PPFIA2: variants seen among roughly 807,000 people sequenced by gnomAD.
The protein encoded by PPFIA2 is PPFI scaffold protein A2.
A neutral mutation model predicts 175.5 loss-of-function variants in PPFIA2; 46 were observed. The ratio of observed to expected loss-of-function variants is 0.26; its 90% CI spans 0.21 to 0.34. The LOEUF is 0.34. Among genes scored for constraint, PPFIA2 ranks in the 10% least tolerant of loss-of-function variants. The pLI, the probability that PPFIA2 is intolerant of heterozygous loss-of-function variation, is 1.00. For synonymous variants in PPFIA2, 568 were observed against 511.4 expected, an observed-to-expected ratio of 1.11 and a Z score of -1.49; for missense variants, 1,179 against 1,506.1, an observed-to-expected ratio of 0.78 and a Z score of 3.60.
At chr12:81,720,984 C>T (rs10506850) in intron 3 of PPFIA2, among the ~76,000 whole-genome samples, 2,997 of 150,420 alleles carry the variant, frequency 0.02, 82 homozygotes, top group East Asian at 0.077. Flanking sequence ...CAGTTAAAAT[C>T]GGCACATAAG....
At chr12:81,642,737 G>GTA (rs1567688608) in intron 4 of PPFIA2, among the ~76,000 whole-genome samples, 2 of 21,174 alleles carry the variant, frequency 9.4e-5, no homozygotes, top group Non-Finnish European at 2.6e-4. Flanking sequence ...ACATGTATAT[G>GTA]TATGTATGTA....
chr12:81,339,322 G>A lies in PPFIA2; in HGVS notation c.2406C>T (p.Val802=). The A allele has an allele frequency of 6.3e-7, 1 of 1,588,026 alleles. No homozygotes were observed. Residue 802 remains valine (V), a synonymous_variant, in exon 21 of 33, where the codon GTC becomes GTT. Transcript: ENST00000549396. The part of the protein sequence containing the change: ...YHNDARSSLS[V]SLEPESLGLG... ...GCCCGAGGCTTTCTGGCTCAAGAGA[G>A]ACAGATAAACTACTGCAAAACACAA...
intron 4 of PPFIA2, among the ~76,000 whole-genome samples, chr12:81,497,317 TCTAA>T (rs1338724345): frequency 3.9e-5 from 6 of 152,302 alleles, no homozygotes; most frequent in African/African-American, 1.4e-4. Context: ...CTTCTAAATT[TCTAA>T]CTGAGACCAG....
intron 3 of PPFIA2, among the ~76,000 whole-genome samples, chr12:81,752,430 T>C (rs904293826): frequency 6.6e-6 from 1 of 152,164 alleles, no homozygotes; most frequent in African/African-American, 2.4e-5. Context: ...TTAAAAAATA[T>C]AATATTTGGT....
intron 8 of PPFIA2, 112 bp downstream of exon 8, chr12:81,405,675 C>G (rs2042805012): frequency 3.2e-6 from 2 of 624,478 alleles, no homozygotes; most frequent in African/African-American, 3.8e-5. Flanking sequence ...GAACCTTTGA[C>G]CAAAGAATCA....
Position 81,408,716 on chromosome 12 carries a change from ATTAG to A in PPFIA2, c.646-2817_646-2814del, listed in dbSNP as rs1555358329. Among the ~76,000 whole-genome samples, 19 of 152,234 alleles carry A rather than the reference ATTAG, an allele frequency of 1.2e-4. 1 individual carries two copies. Among genetic ancestry groups the A allele is most frequent in the Non-Finnish European group, 2.8e-4 (19 of 68,036 alleles). On this transcript the variant is annotated intron_variant, in intron 7 of 32. Coordinates refer to ENST00000549396, the MANE Select transcript of PPFIA2 (RefSeq NM_003625.5). ...AGTTTGCTACAGTGTATACATGACA[ATTAG>A]TTCCAAAAATGACATAATTTTCAAC...
intron 14 of PPFIA2, among the ~76,000 whole-genome samples, chr12:81,365,138 A>G (rs1490211152): frequency 6.6e-6 from 1 of 151,830 alleles, no homozygotes; most frequent in Non-Finnish European, 1.5e-5. Flanking sequence ...CTAGGGGTGA[A>G]TCAGAGAGAA....
chr12:81,676,899 C>T (rs1032028820), intron 3 of PPFIA2, 55 bp from the exon 4 acceptor site: 12 of 1,245,792 alleles, frequency 9.6e-6, no homozygotes, highest in Admixed American at 2.7e-5. Context: ...ATGAAGAATC[C>T]CCCAGTCCCA....
At chr12:81,281,131 C>T (rs1327701216) in intron 27 of PPFIA2, 126 bp downstream of exon 27, 5 of 763,050 alleles carry the variant, frequency 6.6e-6, no homozygotes, top group Non-Finnish European at 9.9e-6. Context: ...TAGATGTATA[C>T]AAACGATGTT....
intron 19 of PPFIA2, among the ~76,000 whole-genome samples, chr12:81,342,195 T>C (rs533311515): frequency 6.6e-6 from 1 of 152,212 alleles, no homozygotes; most frequent in East Asian, 1.9e-4. Flanking sequence ...GATATAGAGC[T>C]GTAACTTAAA....
chr12:81,650,316 G>T lies in PPFIA2; in HGVS notation c.303+26475C>A, dbSNP rs116891517. Among the ~76,000 whole-genome samples the T allele has an allele frequency of 6.3e-3, 958 of 152,096 alleles. 31 individuals are homozygous for T. The East Asian group carries it at 0.091, about 14-fold the overall frequency. ...GAGCCACCGAGCCCAGCAAAATTGT[G>T]TATTTTTAAAAATGTGGATTGTACT... On this transcript the variant is annotated intron_variant, in intron 4 of 32. Coordinates refer to ENST00000549396, the MANE Select transcript of PPFIA2 (RefSeq NM_003625.5).
chr12:81,422,116 ATATATATGTGTG>A (rs953580882), intron 7 of PPFIA2, among the ~76,000 whole-genome samples: 1 of 141,612 alleles, frequency 7.1e-6, no homozygotes, highest in Non-Finnish European at 1.5e-5. Context: ...ATATATGTGT[ATATATATGTGTG>A]TATATATATG....
chr12:81,365,995 TTCCTTCC>T (rs1404839339), intron 14 of PPFIA2, among the ~76,000 whole-genome samples: 1 of 84,854 alleles, frequency 1.2e-5, no homozygotes, highest in Non-Finnish European at 2.2e-5. Flanking sequence ...CCTTCCTTCC[TTCCTTCC>T]TTCCTTCCTT....
intron 4 of PPFIA2, among the ~76,000 whole-genome samples, chr12:81,462,208 T>C (rs1375008010): frequency 6.8e-6 from 1 of 146,138 alleles, no homozygotes; most frequent in African/African-American, 2.5e-5. Context: ...TGAAATATGC[T>C]ATATTCTACA....
chr12:81,594,039 T>TGCTC (rs1245620039), intron 4 of PPFIA2, among the ~76,000 whole-genome samples: 2 of 152,224 alleles, frequency 1.3e-5, no homozygotes, highest in South Asian at 4.1e-4. Context: ...TGGCATTAGA[T>TGCTC]GCTCATAGGA....
chr12:81,267,386 C>T, intron 29 of PPFIA2: 1 of 338,736 alleles, frequency 3.0e-6, no homozygotes, highest in Non-Finnish European at 5.7e-6. Context: ...AGGTAGTTCT[C>T]AAACCTGGCC....
intron 4 of PPFIA2, among the ~76,000 whole-genome samples, chr12:81,464,793 C>G (rs1386292791): frequency 6.6e-6 from 1 of 151,684 alleles, no homozygotes; most frequent in Non-Finnish European, 1.5e-5. Context: ...TCGGGCTACC[C>G]ATTCTCAGAC....
intron 4 of PPFIA2, among the ~76,000 whole-genome samples, chr12:81,511,760 C>T (rs1276709310): frequency 4.0e-5 from 6 of 151,722 alleles, no homozygotes; most frequent in Non-Finnish European, 5.9e-5. Context: ...TCAATATATG[C>T]CTGGTAAGCA....
At chr12:81,703,334 TTCTC>T in intron 3 of PPFIA2, among the ~76,000 whole-genome samples, 1 of 152,010 alleles carries the variant, frequency 6.6e-6, no homozygotes, top group Non-Finnish European at 1.5e-5. Context: ...CTTCTTAGAC[TTCTC>T]TATCTGAAAA....
Sources: allele counts gnomAD v4.1 joint callset (sites outside exome capture counted in the v4.1 genomes callset), GRCh38; gene constraint gnomAD v4.1.1; transcripts MANE v1.5; gene names NCBI Gene and HGNC (gene_info 2026-07-23, HGNC 2026-07-21).